The following SPMIP2 variants were observed in gnomAD, a reference collection of about 807,000 sequenced individuals.
SPMIP2 encodes the protein protein SPMIP2.
chr4:158,973,349 T>A, the SPMIP2 span: 150 of 1,295,592 alleles, frequency 1.2e-4, no homozygotes, highest in Non-Finnish European at 1.5e-4. Flanking sequence ...TTCTCCACAC[T>A]TTATTCTAAG....
chr4:159,001,679 C>T, the SPMIP2 span, among the ~76,000 whole-genome samples: 2 of 152,172 alleles, frequency 1.3e-5, no homozygotes, highest in Non-Finnish European at 2.9e-5. Flanking sequence ...CAGGATCTCA[C>T]TCTTTCTTAT....
the SPMIP2 span, among the ~76,000 whole-genome samples, chr4:158,939,954 A>G: frequency 6.6e-6 from 1 of 152,256 alleles, no homozygotes; most frequent in African/African-American, 2.4e-5. Context: ...TTTCCTATAC[A>G]TTGTCAGTTG....
At chr4:158,938,465 C>T in the SPMIP2 span, among the ~76,000 whole-genome samples, 6 of 152,154 alleles carry the variant, frequency 3.9e-5, no homozygotes, top group Non-Finnish European at 7.4e-5. Flanking sequence ...TACAACCACT[C>T]TACTTGAAGG....
the SPMIP2 span, among the ~76,000 whole-genome samples, chr4:159,012,190 G>C: frequency 7.9e-5 from 12 of 152,124 alleles, no homozygotes; most frequent in Non-Finnish European, 1.3e-4. Context: ...GATCACTTGA[G>C]CCCAGGAGTT....
chr4:159,007,036 C>T, the SPMIP2 span: 3 of 437,118 alleles, frequency 6.9e-6, no homozygotes, highest in Non-Finnish European at 1.3e-5. Flanking sequence ...TTGATGCCGG[C>T]AGTATTTTCT....
the SPMIP2 span, among the ~76,000 whole-genome samples, chr4:158,984,907 G>C: frequency 6.6e-6 from 1 of 151,720 alleles, no homozygotes; most frequent in Admixed American, 6.6e-5. Flanking sequence ...AATAAAAAAA[G>C]AGAGAAGAAT....
chr4:158,937,768 C>T, the SPMIP2 span, among the ~76,000 whole-genome samples: 1 of 152,168 alleles, frequency 6.6e-6, no homozygotes, highest in Non-Finnish European at 1.5e-5. Context: ...AATATAGACT[C>T]ATGGCAAAAG....
chr4:159,058,991 G>A, the SPMIP2 span, among the ~76,000 whole-genome samples: 2 of 152,184 alleles, frequency 1.3e-5, no homozygotes, highest in African/African-American at 4.8e-5. Context: ...GAGTGCAAAT[G>A]TCGTTGTGAT....
the SPMIP2 span, among the ~76,000 whole-genome samples, chr4:158,902,930 A>C: frequency 1.4e-5 from 2 of 147,468 alleles, no homozygotes; most frequent in African/African-American, 4.9e-5. Flanking sequence ...CTCTGTGGGC[A>C]TGGGACCCAC....
chr4:159,072,913 G>C, the SPMIP2 span, among the ~76,000 whole-genome samples: 4 of 152,070 alleles, frequency 2.6e-5, no homozygotes, highest in African/African-American at 9.7e-5. Flanking sequence ...ATTGTAGGAA[G>C]GTAAACTATT....
the SPMIP2 span, among the ~76,000 whole-genome samples, chr4:158,940,383 C>T: frequency 4.6e-5 from 7 of 152,092 alleles, no homozygotes; most frequent in African/African-American, 1.7e-4. Context: ...GAGAAGGAAA[C>T]AATTCAACCC....
the SPMIP2 span, among the ~76,000 whole-genome samples, chr4:158,957,447 G>A: frequency 1.5e-4 from 22 of 150,842 alleles, no homozygotes; most frequent in Non-Finnish European, 1.5e-5. Flanking sequence ...TTCTTTTTTT[G>A]AGACACAGTT....
At chr4:159,057,445 C>T in the SPMIP2 span, among the ~76,000 whole-genome samples, 2 of 152,250 alleles carry the variant, frequency 1.3e-5, no homozygotes, top group Admixed American at 6.5e-5. Context: ...ATCAAGGACA[C>T]CTATTCCAAA....
the SPMIP2 span, among the ~76,000 whole-genome samples, chr4:158,902,850 C>T: frequency 7.2e-4 from 109 of 152,280 alleles, no homozygotes; most frequent in Admixed American, 1.3e-3. Flanking sequence ...CAACCTCAAA[C>T]GTCCCAGGTC....
At chr4:158,915,181 T>C in the SPMIP2 span, 34 of 1,611,692 alleles carry the variant, frequency 2.1e-5, no homozygotes, top group African/African-American at 2.7e-5. Flanking sequence ...TTTTCCTTTT[T>C]TGGTAGCTTC....
the SPMIP2 span, among the ~76,000 whole-genome samples, chr4:158,991,301 T>C: frequency 1.3e-5 from 2 of 152,184 alleles, no homozygotes; most frequent in African/African-American, 4.8e-5. Context: ...AGAATCTGTG[T>C]TGTGGTGACA....
chr4:158,955,182 C>A, the SPMIP2 span, among the ~76,000 whole-genome samples: 1 of 151,976 alleles, frequency 6.6e-6, no homozygotes, highest in Non-Finnish European at 1.5e-5. Context: ...AATGAGTTAA[C>A]CTACACCCAA....
the SPMIP2 span, among the ~76,000 whole-genome samples, chr4:158,940,774 A>G: frequency 7.2e-5 from 11 of 152,238 alleles, no homozygotes; most frequent in South Asian, 6.2e-4. Context: ...TCATGGATAC[A>G]TATGTGGATA....
the SPMIP2 span, among the ~76,000 whole-genome samples, chr4:158,969,259 A>G: frequency 6.6e-6 from 1 of 152,160 alleles, no homozygotes; most frequent in Admixed American, 6.5e-5. Flanking sequence ...AGTGGAGAGG[A>G]GATACAACCA....
Sources: gnomAD v4.1 joint callset for allele counts (sites outside exome capture counted in the v4.1 genomes callset) on GRCh38, gnomAD v4.1.1 for gene constraint, MANE v1.5 for transcripts, NCBI Gene and HGNC (gene_info 2026-07-23, HGNC 2026-07-21) for gene names.